Variants in DIPK1A observed in about 807,000 individuals in gnomAD.
DIPK1A encodes the protein family with sequence similarity 69 member A.
Under a neutral mutation model 40.8 loss-of-function variants are expected in DIPK1A, and 27 were observed. The ratio of observed to expected loss-of-function variants is 0.66; its 90% CI spans 0.49 to 0.91. The LOEUF is 0.91. Ranked by LOEUF, DIPK1A falls within the 40% of genes least tolerant of loss-of-function variation. DIPK1A has a pLI of 0.00. For synonymous variants in DIPK1A, 166 were observed against 171.3 expected (o/e 0.97, Z 0.24); for missense variants, 412 against 505.7 (o/e 0.81, Z 1.78).
chr1:92,870,101 C>G (rs1394441980), intron 2 of DIPK1A, among the ~76,000 whole-genome samples: 1 of 152,046 alleles, frequency 6.6e-6, no homozygotes, highest in Non-Finnish European at 1.5e-5. Flanking sequence ...CACACACACA[C>G]ACACACACAC....
At chr1:92,881,172 C>CAA (rs71094212) in intron 1 of DIPK1A, among the ~76,000 whole-genome samples, 1,766 of 48,968 alleles carry the variant, frequency 0.036, 95 homozygotes, top group African/African-American at 0.049. Flanking sequence ...GACTCGGTCT[C>CAA]AAAAAAAAAA....
intron 4 of DIPK1A, among the ~76,000 whole-genome samples, chr1:92,844,605 T>G (rs1462618378): frequency 6.6e-6 from 1 of 152,190 alleles, no homozygotes; most frequent in Non-Finnish European, 1.5e-5. Context: ...TTATTTTCCT[T>G]TTTTTAGAGA....
chr1:92,843,610 A>G lies in DIPK1A; in HGVS notation c.1060T>C (p.Cys354Arg). The G allele has an allele frequency of 6.4e-7, 1 of 1,551,830 alleles. No homozygotes were observed. The highest frequency in any genetic ancestry group is 2.0e-5 in the Admixed American group (1 of 51,008). The change falls in exon 5 of 5, where the codon TGT becomes CGT. Residue 354 changes from cysteine to arginine, a missense_variant. Cys to Arg is a radical substitution (Grantham distance 180). Coordinates refer to ENST00000370310, the MANE Select transcript of DIPK1A (RefSeq NM_001006605.5). Reference protein sequence around the residue: ...RTSCDQSTMKCTSEVIQPNLA... With the variant: ...RTSCDQSTMKRTSEVIQPNLA... ...TTTGGTTGTATCACTTCTGAAGTAC[A>G]CTTCATTGTACTCTGATCACAGCTA...
chr1:92,924,437 C>T lies in DIPK1A; in HGVS notation c.54+36939G>A, dbSNP rs139329769. On this transcript the variant is annotated intron_variant, in intron 1 of 4. Transcript: ENST00000370310. ...AATTCTGTCGCTGTTCAGGGCGCCA[C>T]TATATAACCCGCACGGATCAAGGGG... Among the ~76,000 whole-genome samples, 118 of 152,082 alleles carry T rather than the reference C, an allele frequency of 7.8e-4. 1 individual carries two copies. In the East Asian group the frequency reaches 0.016, roughly 21 times the overall value.
At chr1:92,890,251 T>C (rs754919060) in intron 1 of DIPK1A, among the ~76,000 whole-genome samples, 14 of 152,210 alleles carry the variant, frequency 9.2e-5, no homozygotes, top group Non-Finnish European at 1.9e-4. Flanking sequence ...TAAGATTATG[T>C]CTTTTGCAAA....
intron 1 of DIPK1A, among the ~76,000 whole-genome samples, chr1:92,912,546 A>G (rs1204957550): frequency 2.6e-5 from 4 of 152,188 alleles, no homozygotes; most frequent in African/African-American, 7.2e-5. Flanking sequence ...TCAAAATACT[A>G]TAGAATGTTA....
chr1:92,958,586 G>C (rs1452774350), intron 1 of DIPK1A, among the ~76,000 whole-genome samples: 1 of 152,098 alleles, frequency 6.6e-6, no homozygotes, highest in Non-Finnish European at 1.5e-5. Flanking sequence ...TATACCTGCT[G>C]AATAGTTATA....
chr1:92,892,220 C>A lies in DIPK1A; in HGVS notation c.55-15790G>T, dbSNP rs538740773. Among the ~76,000 whole-genome samples, 47 of 152,208 alleles carry A rather than the reference C, an allele frequency of 3.1e-4. 2 individuals carry two copies. In the South Asian group the frequency reaches 4.6e-3, roughly 15 times the overall value. ...GGACAGACTGCCTCCTCAACTGGGTCCCTGACTCCCGAGTAGCCTAACTGG... is the reference window on the plus strand; with the variant it reads ...GGACAGACTGCCTCCTCAACTGGGTACCTGACTCCCGAGTAGCCTAACTGG... On this transcript the variant is annotated intron_variant, in intron 1 of 4. Transcript: ENST00000370310.
chr1:92,915,627 G>C (rs1650022881), intron 1 of DIPK1A, among the ~76,000 whole-genome samples: 1 of 152,094 alleles, frequency 6.6e-6, no homozygotes, highest in Non-Finnish European at 1.5e-5. Context: ...GAACTGGAAG[G>C]GGATGTCAAA....
chr1:92,919,206 G>A (rs957572715), intron 1 of DIPK1A, among the ~76,000 whole-genome samples: 7 of 152,022 alleles, frequency 4.6e-5, no homozygotes, highest in African/African-American at 1.4e-4. Context: ...AGCAATACAC[G>A]GCTTCATGTT....
chr1:92,947,815 A>C (rs1298812289), intron 1 of DIPK1A, among the ~76,000 whole-genome samples: 1 of 152,204 alleles, frequency 6.6e-6, no homozygotes, highest in East Asian at 1.9e-4. Flanking sequence ...TAAATACCAC[A>C]TGTTTTCACT....
chr1:92,886,160 C>A (rs1648589384), intron 1 of DIPK1A, among the ~76,000 whole-genome samples: 1 of 151,954 alleles, frequency 6.6e-6, no homozygotes, highest in Non-Finnish European at 1.5e-5. Flanking sequence ...CAGTGAGACC[C>A]TGTCTCTACA....
At chr1:92,896,203 C>A (rs1649159529) in intron 1 of DIPK1A, among the ~76,000 whole-genome samples, 1 of 152,160 alleles carries the variant, frequency 6.6e-6, no homozygotes, top group Non-Finnish European at 1.5e-5. Context: ...CCAAGTCAAT[C>A]CTAAGCCAAA....
At chr1:92,936,037 GAT>G (rs2100881525) in intron 1 of DIPK1A, among the ~76,000 whole-genome samples, 1 of 152,268 alleles carries the variant, frequency 6.6e-6, no homozygotes, top group South Asian at 2.1e-4. Flanking sequence ...AATGAGCTAT[GAT>G]CACGCCACTG....
chr1:92,840,616 C>G, downstream of DIPK1A: 1 of 1,610,446 alleles, frequency 6.2e-7, no homozygotes, highest in Non-Finnish European at 8.5e-7. Context: ...AAAAGAAGCC[C>G]AAGAAAGAAG....
At chr1:92,860,882 G>A (rs1043731343) in intron 2 of DIPK1A, among the ~76,000 whole-genome samples, 1 of 152,020 alleles carries the variant, frequency 6.6e-6, no homozygotes, top group African/African-American at 2.4e-5. Flanking sequence ...TATATTTATT[G>A]CAAATAAAAT....
intron 1 of DIPK1A, among the ~76,000 whole-genome samples, chr1:92,891,043 G>C (rs1221116921): frequency 6.6e-6 from 1 of 151,946 alleles, no homozygotes; most frequent in Non-Finnish European, 1.5e-5. Flanking sequence ...GTTCAATCTT[G>C]GTAGAATGTT....
intron 2 of DIPK1A, among the ~76,000 whole-genome samples, chr1:92,859,144 G>A (rs1400610671): frequency 2.6e-5 from 4 of 152,246 alleles, no homozygotes; most frequent in Non-Finnish European, 4.4e-5. Context: ...ATGAACAGAT[G>A]TATACTACCA....
chr1:92,885,001 G>A (rs972664796), intron 1 of DIPK1A, among the ~76,000 whole-genome samples: 4 of 152,078 alleles, frequency 2.6e-5, no homozygotes, highest in African/African-American at 9.7e-5. Context: ...AAGAGGCTAC[G>A]GGTTTCTGAA....
Sources: allele counts gnomAD v4.1 joint callset (sites outside exome capture counted in the v4.1 genomes callset), GRCh38; gene constraint gnomAD v4.1.1; transcripts MANE v1.5; gene names NCBI Gene and HGNC (gene_info 2026-07-23, HGNC 2026-07-21).